The following WDR7 variants were observed in gnomAD, a reference collection of about 807,000 sequenced individuals.
The protein encoded by WDR7 is WD repeat-containing protein 7.
In WDR7, 46 loss-of-function variants were observed where a neutral mutation model predicts 169.4. The observed-to-expected ratio is 0.27, with a 90% CI of 0.21 to 0.35. The LOEUF (loss-of-function observed/expected upper bound fraction) is 0.35. Ranked by LOEUF, WDR7 falls within the 10% of genes least tolerant of loss-of-function variation. WDR7 has a pLI of 1.00. For synonymous variants in WDR7, 612 were observed against 666.8 expected (o/e 0.92, Z 1.27); for missense variants, 1,534 against 1,859.3 (o/e 0.83, Z 3.22).
intron 20 of WDR7, among the ~76,000 whole-genome samples, chr18:56,840,657 C>CA (rs1395887093): frequency 6.6e-6 from 1 of 151,582 alleles, no homozygotes; most frequent in Non-Finnish European, 1.5e-5. Context: ...CCTATCTCTA[C>CA]AAAAAATACA....
chr18:56,909,833 A>G (rs2046529254), intron 21 of WDR7, among the ~76,000 whole-genome samples: 1 of 152,196 alleles, frequency 6.6e-6, no homozygotes. Flanking sequence ...CTATTTTGCA[A>G]ATTTAGTAAA....
rs543682835 is a variant in WDR7, at chr18:56,837,756, G to A, written c.3304+21612G>A. ...GCTTACTGCAACCTCTGCCTCCTGG[G>A]TGCAAGCTATTCTCCTGCCTCAGCC... On this transcript the variant is annotated intron_variant, in intron 20 of 27. Coordinates refer to ENST00000254442, the MANE Select transcript of WDR7 (RefSeq NM_015285.3). 2.6e-5 allele frequency among the ~76,000 whole-genome samples: 4 copies of A among 152,204 alleles called. No individual in the cohort carries two copies. The South Asian group carries it at 8.3e-4, about 32-fold the overall frequency.
chr18:56,759,999 T>G (rs2043957518), intron 16 of WDR7, among the ~76,000 whole-genome samples: 2 of 152,168 alleles, frequency 1.3e-5, no homozygotes, highest in African/African-American at 4.8e-5. Context: ...GCCATTTCTA[T>G]CCATCATTTC....
At chr18:56,938,821 G>A in intron 24 of WDR7, 139 bp downstream of exon 24, 3 of 848,148 alleles carry the variant, frequency 3.5e-6, no homozygotes, top group South Asian at 1.8e-5. Context: ...GTGTGTGTGT[G>A]TGTGTGTGTG....
chr18:56,845,787 T>A (rs998463622), intron 20 of WDR7, among the ~76,000 whole-genome samples: 1 of 152,176 alleles, frequency 6.6e-6, no homozygotes, highest in Non-Finnish European at 1.5e-5. Context: ...AGTTTCTTTC[T>A]AAAAAACTGC....
At chr18:56,768,126 C>T (rs1399157616) in intron 16 of WDR7, among the ~76,000 whole-genome samples, 1 of 152,110 alleles carries the variant, frequency 6.6e-6, no homozygotes, top group Admixed American at 6.5e-5. Context: ...TATTCACCAC[C>T]ATGATGGTGT....
chr18:56,828,807 C>T (rs2045257550), intron 20 of WDR7, among the ~76,000 whole-genome samples: 2 of 152,012 alleles, frequency 1.3e-5, no homozygotes, highest in Non-Finnish European at 1.5e-5. Flanking sequence ...TTTAGAAATG[C>T]AGGTTATCAA....
chr18:56,982,692 C>T (rs2047663720), intron 26 of WDR7, among the ~76,000 whole-genome samples: 1 of 152,138 alleles, frequency 6.6e-6, no homozygotes, highest in Non-Finnish European at 1.5e-5. Flanking sequence ...CCACCAAATA[C>T]CAAAGCCTCT....
At chr18:57,031,948 T>C (rs550653099), downstream of WDR7, 1 of 152,194 alleles carries the variant, frequency 6.6e-6, no homozygotes, top group Non-Finnish European at 1.5e-5. Context: ...TTGGAAAACT[T>C]GGATTTTTGT....
intron 16 of WDR7, among the ~76,000 whole-genome samples, chr18:56,765,349 G>T: frequency 6.6e-6 from 1 of 151,938 alleles, no homozygotes; most frequent in South Asian, 2.1e-4. Flanking sequence ...AGACTAAAAA[G>T]ATTTTTTTTA....
chr18:56,760,737 TAA>T (rs2043968718), intron 16 of WDR7, among the ~76,000 whole-genome samples: 2 of 152,216 alleles, frequency 1.3e-5, no homozygotes, highest in African/African-American at 2.4e-5. Context: ...TAGGTAATGT[TAA>T]AGTGTTTTCC....
At chr18:56,942,592 C>A (rs9960299) in intron 25 of WDR7, among the ~76,000 whole-genome samples, 1 of 150,448 alleles carries the variant, frequency 6.6e-6, no homozygotes, top group African/African-American at 2.4e-5. Flanking sequence ...CAGTGTTTAA[C>A]ATTGGAAGTG....
Position 56,868,616 on chromosome 18 carries a change from C to T in WDR7, c.3305-11328C>T, listed in dbSNP as rs116241206. Among the ~76,000 whole-genome samples, 844 of 152,164 alleles carry T rather than the reference C, an allele frequency of 5.5e-3. 11 individuals are homozygous for T. Among genetic ancestry groups the T allele is most frequent in the African/African-American group, 0.019 (801 of 41,528 alleles). On this transcript the variant is annotated intron_variant, in intron 20 of 27. Coordinates refer to ENST00000254442, the MANE Select transcript of WDR7 (RefSeq NM_015285.3). ...TATTTTTATAAGTAAATCTCATTGC[C>T]AGAGTTTCTTTTTCTAAGTAGTAAC...
At chr18:56,834,525 C>T (rs1234942471) in intron 20 of WDR7, among the ~76,000 whole-genome samples, 1 of 151,888 alleles carries the variant, frequency 6.6e-6, no homozygotes, top group African/African-American at 2.4e-5. Context: ...TGTCCTTCAA[C>T]AATATCTCGT....
intron 16 of WDR7, among the ~76,000 whole-genome samples, chr18:56,765,391 A>T (rs1468396301): frequency 6.6e-6 from 1 of 151,868 alleles, no homozygotes; most frequent in African/African-American, 2.4e-5. Context: ...ATGGCTTTAT[A>T]AGCTAATTTT....
Position 56,651,406 on chromosome 18 carries a change from T to C in WDR7, c.-190T>C, listed in dbSNP as rs1048671335. ...CGGCGGCGGCACCGGCACCTTGCAG[T>C]ATCACTGGGGAGACGGCGGCTGTAT... On this transcript the variant is annotated 5_prime_UTR_variant, in exon 1 of 28. Coordinates refer to ENST00000254442, the MANE Select transcript of WDR7 (RefSeq NM_015285.3). 1 of 153,518 alleles carries C rather than the reference T, an allele frequency of 6.5e-6. No homozygotes were observed. The highest frequency in any genetic ancestry group is 1.4e-5 in the Non-Finnish European group (1 of 69,028). 9.5% of individuals were successfully genotyped at this position (153,518 alleles called of 1,614,324 possible). A position where few individuals can be genotyped will look rare whatever the true frequency, so the allele number is the denominator to read the frequency against.
intron 1 of WDR7, among the ~76,000 whole-genome samples, chr18:56,659,388 A>G (rs2024856279): frequency 6.6e-6 from 1 of 152,230 alleles, no homozygotes; most frequent in Non-Finnish European, 1.5e-5. Flanking sequence ...TATTTATTCA[A>G]GTATTTGGAT....
intron 5 of WDR7, among the ~76,000 whole-genome samples, chr18:56,684,612 A>G (rs556523706): frequency 1.5e-4 from 23 of 152,186 alleles, no homozygotes; most frequent in Non-Finnish European, 3.2e-4. Flanking sequence ...TTAAGAGATT[A>G]GTTGCCCAGC....
At chr18:56,930,392 A>G (rs937802551) in intron 22 of WDR7, among the ~76,000 whole-genome samples, 1 of 152,218 alleles carries the variant, frequency 6.6e-6, no homozygotes, top group Non-Finnish European at 1.5e-5. Context: ...TAAGCTATTC[A>G]TATTTTTCCT....
Sources: gnomAD v4.1 joint callset for allele counts (sites outside exome capture counted in the v4.1 genomes callset) on GRCh38, gnomAD v4.1.1 for gene constraint, MANE v1.5 for transcripts, NCBI Gene and HGNC (gene_info 2026-07-23, HGNC 2026-07-21) for gene names.